Variants in MTM1 observed in about 807,000 individuals in gnomAD.
MTM1 encodes myotubularin.
Under a neutral mutation model 52.1 loss-of-function variants are expected in MTM1, and 9 were observed. The observed-to-expected ratio is 0.17, with a 90% CI of 0.10 to 0.30. The LOEUF (loss-of-function observed/expected upper bound fraction) is 0.30, where lower values mean the gene tolerates loss of function less well. MTM1 is among the 10% of genes least tolerant of loss of function. MTM1 has a pLI of 1.00. For missense variants in MTM1, 277 were observed against 470.7 expected, an observed-to-expected ratio of 0.59 and a Z score of 3.81; for synonymous variants, 136 against 163.8, an observed-to-expected ratio of 0.83 and a Z score of 1.29.
intron 1 of MTM1, among the ~76,000 whole-genome samples, chrX:150,578,273 A>G (rs1477666475): frequency 3.6e-5 from 4 of 112,018 alleles, no homozygotes; most frequent in Non-Finnish European, 1.9e-5. Context: ...GCAAAAAGCC[A>G]GGGCCTTCAA....
chrX:150,586,640 G>T (rs781876170), intron 1 of MTM1, among the ~76,000 whole-genome samples: 1 of 111,468 alleles, frequency 9.0e-6, no homozygotes, highest in East Asian at 2.8e-4. Flanking sequence ...GCTGGGTGTG[G>T]TGGCTCATGC....
At chrX:150,593,052 C>T (rs2038914208) in intron 2 of MTM1, among the ~76,000 whole-genome samples, 1 of 112,042 alleles carries the variant, frequency 8.9e-6, no homozygotes, top group Non-Finnish European at 1.9e-5. Flanking sequence ...CCATGTTGGC[C>T]AGGCTTGTCT....
At chrX:150,663,218 A>G (rs1287261313) in intron 13 of MTM1, among the ~76,000 whole-genome samples, 1 of 112,350 alleles carries the variant, frequency 8.9e-6, no homozygotes, top group African/African-American at 3.2e-5. Flanking sequence ...AGGCAGAAAT[A>G]GTGGCTCTCA....
At chrX:150,565,801 G>GA (rs1557411211), upstream of MTM1, among the ~76,000 whole-genome samples, 1 of 111,862 alleles carries the variant, frequency 8.9e-6, no homozygotes, top group African/African-American at 3.3e-5. Flanking sequence ...GACTCTGGGG[G>GA]AGAGGGGCGG....
chrX:150,604,169 T>C (rs1301265009), intron 4 of MTM1, among the ~76,000 whole-genome samples: 3 of 112,016 alleles, frequency 2.7e-5, no homozygotes, highest in African/African-American at 9.7e-5. Flanking sequence ...GGTCTTTCTG[T>C]AAAGATTCTG....
At chrX:150,669,630 CT>C (rs1348469772) in intron 14 of MTM1, among the ~76,000 whole-genome samples, 1 of 112,279 alleles carries the variant, frequency 8.9e-6, no homozygotes, top group Non-Finnish European at 1.9e-5. Flanking sequence ...TGATGATGAG[CT>C]TTTTTTCATA....
intron 4 of MTM1, among the ~76,000 whole-genome samples, chrX:150,611,305 C>T (rs1008171252): frequency 2.7e-5 from 3 of 112,006 alleles, no homozygotes; most frequent in Admixed American, 1.9e-4. Flanking sequence ...TCAGGCACGA[C>T]GCCAGGTACT....
At chrX:150,600,026 G>A (rs1211911380) in intron 4 of MTM1, among the ~76,000 whole-genome samples, 1 of 111,718 alleles carries the variant, frequency 9.0e-6, no homozygotes, top group Non-Finnish European at 1.9e-5. Context: ...AAGGCCATAT[G>A]ACAGACTCCG....
chrX:150,616,226 A>G (rs1557413138), intron 5 of MTM1, among the ~76,000 whole-genome samples: 1 of 112,061 alleles, frequency 8.9e-6, no homozygotes, highest in Non-Finnish European at 1.9e-5. Flanking sequence ...GAAATGTTAC[A>G]TATGTATATT....
upstream of MTM1, among the ~76,000 whole-genome samples, chrX:150,566,993 A>G (rs1326724371): frequency 1.8e-5 from 2 of 111,647 alleles, no homozygotes; most frequent in African/African-American, 6.5e-5. Flanking sequence ...TTGGCAGAGC[A>G]GACGTGTAAG....
At chrX:150,628,073 G>A (rs1374196434) in intron 6 of MTM1, among the ~76,000 whole-genome samples, 1 of 111,111 alleles carries the variant, frequency 9.0e-6, no homozygotes, top group Non-Finnish European at 1.9e-5. Flanking sequence ...TCCCCTGAGT[G>A]TAGCACTTGG....
chrX:150,650,147 G>A (rs1164976633), intron 10 of MTM1, among the ~76,000 whole-genome samples: 2 of 111,449 alleles, frequency 1.8e-5, no homozygotes, highest in Admixed American at 1.9e-4. Flanking sequence ...GTATTAAGTC[G>A]TTCAGTCTTT....
rs950500688 is a variant in MTM1 at position 150,661,368 on chromosome X, A to C, written c.1467+884A>C. 3.6e-5 allele frequency among the ~76,000 whole-genome samples: 4 copies of C among 111,806 alleles called. No homozygotes were observed. In the Admixed American group the frequency reaches 3.8e-4, roughly 11 times the overall value. On this transcript the variant is annotated intron_variant, in intron 13 of 14. Transcript: ENST00000370396. ...TGAGGTTTGGAGAGAACAAATATTCAAACTATGACAGAGGTTCCCCCAAAA... is the reference window on the plus strand; with the variant it reads ...TGAGGTTTGGAGAGAACAAATATTCCAACTATGACAGAGGTTCCCCCAAAA...
chrX:150,657,627 AAAG>A lies in MTM1; in HGVS notation c.1054-188_1054-186del, dbSNP rs1557414487. ...GAACTTAAAGTATAATTTAAAAAAAAAAGAAGAAAAGAAAACAAATGCAGCGTC... is the reference window on the plus strand; with the variant it reads ...GAACTTAAAGTATAATTTAAAAAAAAAAGAAAAGAAAACAAATGCAGCGTC... On this transcript the variant is annotated intron_variant, in intron 10 of 14. Transcript: ENST00000370396. 6.3e-5 allele frequency among the ~76,000 whole-genome samples: 7 copies of A among 111,579 alleles called. No individual in the cohort carries two copies. In the South Asian group the frequency reaches 2.3e-3, roughly 36 times the overall value.
chrX:150,621,271 T>A (rs2039476216), intron 6 of MTM1, among the ~76,000 whole-genome samples: 1 of 110,346 alleles, frequency 9.1e-6, no homozygotes, highest in Admixed American at 9.7e-5. Context: ...AGCTTTTCAG[T>A]TCCCCCCCTG....
At chrX:150,592,760 A>G (rs1320782053) in intron 2 of MTM1, 83 bp downstream of exon 2, 3 of 638,071 alleles carry the variant, frequency 4.7e-6, no homozygotes, top group African/African-American at 2.2e-5. Context: ...GGGCTGGCCT[A>G]TTGAATTATG....
chrX:150,597,106 C>T (rs1016554336), intron 3 of MTM1: 2 of 116,999 alleles, frequency 1.7e-5, no homozygotes, highest in African/African-American at 3.2e-5. Context: ...TAGATCACTA[C>T]GGCTTAAGAA....
chrX:150,591,464 C>T (rs1386852642), intron 1 of MTM1, among the ~76,000 whole-genome samples: 1 of 112,703 alleles, frequency 8.9e-6, no homozygotes, highest in Non-Finnish European at 1.9e-5. Flanking sequence ...TGTAAGATGG[C>T]CCCTATCTGG....
intron 1 of MTM1, among the ~76,000 whole-genome samples, chrX:150,572,180 C>CT (rs1419424709): frequency 8.9e-6 from 1 of 111,887 alleles, no homozygotes; most frequent in Admixed American, 9.5e-5. Flanking sequence ...TTCCTTAACT[C>CT]TGTGTCACTG....
Sources: allele counts gnomAD v4.1 joint callset (sites outside exome capture counted in the v4.1 genomes callset), GRCh38; gene constraint gnomAD v4.1.1; transcripts MANE v1.5; gene names NCBI Gene and HGNC (gene_info 2026-07-23, HGNC 2026-07-21).